The following ZPLD1 variants were observed in gnomAD, a reference collection of about 807,000 sequenced individuals.
The protein encoded by ZPLD1 is zona pellucida like domain containing 1, also known as zona pellucida-like domain-containing protein 1.
Under a neutral mutation model 47.2 loss-of-function variants are expected in ZPLD1, and 34 were observed. The ratio of observed to expected loss-of-function variants is 0.72; its 90% CI spans 0.55 to 0.96. The LOEUF (loss-of-function observed/expected upper bound fraction) is 0.96. ZPLD1 is among the 40% of genes least tolerant of loss of function. The pLI, the probability that ZPLD1 is intolerant of heterozygous loss-of-function variation, is 0.00. For missense variants in ZPLD1, 512 were observed against 505.8 expected (o/e 1.01, Z -0.12); for synonymous variants, 176 against 186.2 (o/e 0.95, Z 0.45).
At chr3:102,408,445 C>T (rs568672265) in intron 7 of ZPLD1, among the ~76,000 whole-genome samples, 1 of 151,818 alleles carries the variant, frequency 6.6e-6, no homozygotes, top group South Asian at 2.1e-4. Flanking sequence ...AAACATTAGC[C>T]ATTAAGTTAA....
intron 3 of ZPLD1, among the ~76,000 whole-genome samples, chr3:102,449,033 G>A (rs989193146): frequency 6.6e-6 from 1 of 152,182 alleles, no homozygotes; most frequent in Non-Finnish European, 1.5e-5. Flanking sequence ...AAGGTTCCCT[G>A]CAATCTCACC....
rs767071660 is a variant in ZPLD1 at position 102,459,089 on chromosome 3, C to CAAAA, written c.582+1263_582+1266dup. On this transcript the variant is annotated intron_variant, in intron 6 of 11. Transcript: ENST00000466937. Reference sequence around the variant, plus strand: ...TGGGAGACAGAGCGAGACTCCGTCTCAAAAAAAAAAAAAAAAAAAAAAAAA... The same window carrying CAAAA: ...TGGGAGACAGAGCGAGACTCCGTCTCAAAAAAAAAAAAAAAAAAAAAAAAAAAAA... Among the ~76,000 whole-genome samples, 162 of 25,850 alleles carry CAAAA rather than the reference C, an allele frequency of 6.3e-3. 25 individuals carry two copies. Among genetic ancestry groups the CAAAA allele is most frequent in the African/African-American group, 0.012 (112 of 8,972 alleles). 17.0% of individuals were successfully genotyped at this position (25,850 alleles called of 152,430 possible). A position where few individuals can be genotyped will look rare whatever the true frequency, so the allele number is the denominator to read the frequency against.
Position 102,456,370 on chromosome 3 carries a change from G to T in ZPLD1, c.505G>T (p.Ala169Ser), listed in dbSNP as rs1358693945. The T allele has an allele frequency of 1.2e-6, 2 of 1,608,472 alleles. No individual in the cohort carries two copies. The highest frequency in any genetic ancestry group is 1.7e-6 in the Non-Finnish European group (2 of 1,177,754). ...LEYLVNNTQL[A>S]SSSAAISVRE... Reference sequence around the variant, plus strand: ...ATACCTGGTTAATAATACCCAGCTTGCTTCGTAAGTTTGCATTTTATTCCT... The same window carrying T: ...ATACCTGGTTAATAATACCCAGCTTTCTTCGTAAGTTTGCATTTTATTCCT... Residue 169 changes from alanine (A) to serine (S), a missense_variant, in exon 5 of 12, where the codon GCT becomes TCT. Ala to Ser is a moderately conservative substitution (Grantham distance 99). Transcript: ENST00000466937.
At chr3:102,423,841 A>G (rs1576137873) in intron 8 of ZPLD1, among the ~76,000 whole-genome samples, 1 of 152,140 alleles carries the variant, frequency 6.6e-6, no homozygotes, top group African/African-American at 2.4e-5. Context: ...ATTGGTTAAC[A>G]TGACCAATAA....
At chr3:102,435,519 A>G (rs527282666) in intron 1 of ZPLD1, among the ~76,000 whole-genome samples, 30 of 152,302 alleles carry the variant, frequency 2.0e-4, no homozygotes, top group Admixed American at 9.1e-4. Flanking sequence ...TGTGGAGGGT[A>G]CGACCTGCAC....
chr3:102,409,157 C>T (rs916593803), intron 7 of ZPLD1, among the ~76,000 whole-genome samples: 15 of 151,750 alleles, frequency 9.9e-5, no homozygotes, highest in African/African-American at 3.1e-4. Context: ...CTTCTGGCTG[C>T]ATCATAACAT....
At chr3:102,418,905 T>C (rs1301096360) in intron 8 of ZPLD1, among the ~76,000 whole-genome samples, 1 of 152,104 alleles carries the variant, frequency 6.6e-6, no homozygotes, top group African/African-American at 2.4e-5. Flanking sequence ...TTTCCATTTC[T>C]TGGGTGATCT....
At chr3:102,454,788 G>A (rs574109630) in intron 4 of ZPLD1, among the ~76,000 whole-genome samples, 5 of 152,186 alleles carry the variant, frequency 3.3e-5, no homozygotes, top group South Asian at 2.1e-4. Context: ...CTTAAGAGGC[G>A]GAGGTTGCAG....
intron 7 of ZPLD1, among the ~76,000 whole-genome samples, chr3:102,392,677 C>A (rs932205279): frequency 1.3e-5 from 2 of 152,010 alleles, no homozygotes; most frequent in African/African-American, 4.8e-5. Context: ...ATGGTTTAAT[C>A]CATTTAAGAG....
intron 3 of ZPLD1, among the ~76,000 whole-genome samples, chr3:102,447,390 A>G (rs1463313800): frequency 6.6e-6 from 1 of 152,064 alleles, no homozygotes; most frequent in Non-Finnish European, 1.5e-5. Context: ...TTTACACTAT[A>G]CACTGACCTC....
intron 7 of ZPLD1, among the ~76,000 whole-genome samples, chr3:102,463,663 AAGC>A (rs1042664483): frequency 7.2e-5 from 11 of 152,150 alleles, no homozygotes; most frequent in Non-Finnish European, 1.5e-4. Context: ...CATGTGAAAT[AAGC>A]AGGATGGAAT....
At chr3:102,454,740 C>G (rs1410394008) in intron 4 of ZPLD1, among the ~76,000 whole-genome samples, 2 of 152,116 alleles carry the variant, frequency 1.3e-5, no homozygotes, top group Non-Finnish European at 2.9e-5. Context: ...CCTCTAATCC[C>G]AGCTACTTGG....
intron 7 of ZPLD1, among the ~76,000 whole-genome samples, chr3:102,409,154 C>T (rs1279625885): frequency 1.3e-5 from 2 of 151,730 alleles, no homozygotes; most frequent in African/African-American, 4.8e-5. Context: ...GGCCTTCTGG[C>T]TGCATCATAA....
chr3:102,406,538 T>C (rs62274723), intron 7 of ZPLD1, among the ~76,000 whole-genome samples: 22,402 of 151,920 alleles, frequency 0.15, 1,687 homozygotes, highest in Middle Eastern at 0.18. Flanking sequence ...TATATACAAG[T>C]TTTTAGGATG....
At chr3:102,451,855 T>C (rs1257440183) in intron 3 of ZPLD1, among the ~76,000 whole-genome samples, 1 of 152,170 alleles carries the variant, frequency 6.6e-6, no homozygotes, top group Non-Finnish European at 1.5e-5. Context: ...AATTACAGGT[T>C]CATTTTACCC....
At chr3:102,426,160 GCA>G (rs1190793168) in intron 8 of ZPLD1, among the ~76,000 whole-genome samples, 1 of 139,482 alleles carries the variant, frequency 7.2e-6, no homozygotes, top group Non-Finnish European at 1.6e-5. Flanking sequence ...ACACACACAT[GCA>G]CACACACACA....
At chr3:102,408,556 G>T (rs1706717592) in intron 7 of ZPLD1, among the ~76,000 whole-genome samples, 1 of 151,710 alleles carries the variant, frequency 6.6e-6, no homozygotes, top group African/African-American at 2.4e-5. Flanking sequence ...GAGAATGAAA[G>T]AAAGAAAAAT....
intron 3 of ZPLD1, among the ~76,000 whole-genome samples, chr3:102,441,663 ACAT>A (rs1305262302): frequency 6.6e-6 from 1 of 152,160 alleles, no homozygotes; most frequent in African/African-American, 2.4e-5. Context: ...AATGTGATTC[ACAT>A]CACAGGTAAT....
intron 7 of ZPLD1, among the ~76,000 whole-genome samples, chr3:102,393,568 A>T (rs2107286196): frequency 6.6e-6 from 1 of 152,172 alleles, no homozygotes; most frequent in Non-Finnish European, 1.5e-5. Context: ...TCTGAGGGCA[A>T]GAAGGCATGG....
Sources: gnomAD v4.1 joint callset for allele counts (sites outside exome capture counted in the v4.1 genomes callset) on GRCh38, gnomAD v4.1.1 for gene constraint, MANE v1.5 for transcripts, NCBI Gene and HGNC (gene_info 2026-07-23, HGNC 2026-07-21) for gene names.